Variants in POGLUT1 observed in about 807,000 individuals in gnomAD.
The protein encoded by POGLUT1 is protein O-glucosyltransferase 1, also known as 9630046K23Rik.
In POGLUT1, 32 loss-of-function variants were observed where a neutral mutation model predicts 61.3. That is an observed-to-expected ratio of 0.52 (90% CI 0.39 to 0.70). POGLUT1 has a LOEUF of 0.70. POGLUT1 is among the 30% of genes least tolerant of loss of function. POGLUT1 has a pLI of 0.00. For missense variants in POGLUT1, 411 were observed against 469.8 expected (o/e 0.87, Z 1.16); for synonymous variants, 158 against 158.2 (o/e 1.00, Z 0.01).
chr3:119,481,181 G>A (rs1398556517), intron 5 of POGLUT1, among the ~76,000 whole-genome samples: 16 of 152,214 alleles, frequency 1.1e-4, no homozygotes, highest in Admixed American at 9.8e-4. Flanking sequence ...TGAGAGCTAA[G>A]TAGTTTAGGC....
At position 119,486,829 on chromosome 3, in the gene POGLUT1, A is replaced by G. The variant is rs760804608; in HGVS notation, c.639-4A>G. 4.6e-5 allele frequency: 74 copies of G among 1,602,000 alleles called. No individual in the cohort carries two copies. Among genetic ancestry groups the G allele is most frequent in the Non-Finnish European group, 6.8e-6 (8 of 1,169,346 alleles). On this transcript the variant is annotated splice_region_variant and splice_polypyrimidine_tract_variant and intron_variant, in intron 6 of 10. Coordinates refer to ENST00000295588, the MANE Select transcript of POGLUT1 (RefSeq NM_152305.3). ...CAGTTTTATGTCACGTGTTTCTTTTATAGGACAAGTCCAGAACGAGATCCT... is the reference window on the plus strand; with the variant it reads ...CAGTTTTATGTCACGTGTTTCTTTTGTAGGACAAGTCCAGAACGAGATCCT...
rs1251933785 is a variant in POGLUT1, at chr3:119,492,969, T to C, written c.*531T>C. On this transcript the variant is annotated 3_prime_UTR_variant, in exon 11 of 11. Coordinates refer to ENST00000295588, the MANE Select transcript of POGLUT1 (RefSeq NM_152305.3). ...TTCTCTGAATGGTCTAAGGAAGCGG[T>C]AGCCATGCCATGCAATGATGTAGGA... 6.6e-6 allele frequency: 1 copy of C among 152,656 alleles called. No individual in the cohort carries two copies. The highest frequency in any genetic ancestry group is 1.5e-5 in the Non-Finnish European group (1 of 68,040). 9.5% of individuals were successfully genotyped at this position (152,656 alleles called of 1,614,324 possible). A position where few individuals can be genotyped will look rare whatever the true frequency, so the allele number is the denominator to read the frequency against.
chr3:119,477,560 A>C, intron 4 of POGLUT1, 112 bp downstream of exon 4: 2 of 1,022,734 alleles, frequency 2.0e-6, no homozygotes, highest in Non-Finnish European at 2.9e-6. Context: ...ATGAGGACTG[A>C]GGTCCAGAAA....
chr3:119,489,074 C>T (rs564275145), intron 8 of POGLUT1, 87 bp downstream of exon 8: 2 of 686,774 alleles, frequency 2.9e-6, no homozygotes, highest in Non-Finnish European at 5.1e-6. Flanking sequence ...AATATAAAGG[C>T]CCAGCTGGAG....
intron 3 of POGLUT1, among the ~76,000 whole-genome samples, chr3:119,474,210 T>A (rs1052334108): frequency 2.6e-5 from 4 of 152,218 alleles, no homozygotes; most frequent in African/African-American, 9.6e-5. Flanking sequence ...TGTGAGGATA[T>A]GTTAATTAGC....
At chr3:119,488,871 C>A in intron 7 of POGLUT1, 58 bp from the exon 8 acceptor site, 1 of 892,872 alleles carries the variant, frequency 1.1e-6, no homozygotes, top group Non-Finnish European at 1.9e-6. Context: ...GCTTGCTGCA[C>A]AGTGATCACA....
chr3:119,485,401 T>C lies in POGLUT1; in HGVS notation c.638+14T>C. ...CCGAGGATCAAGGTGAGTTATTTTC[T>C]GACATTTTACAAAGATATTCTTCCA... On this transcript the variant is annotated intron_variant, in intron 6 of 10. Coordinates refer to ENST00000295588, the MANE Select transcript of POGLUT1 (RefSeq NM_152305.3). The C allele has an allele frequency of 6.3e-7, 1 of 1,576,730 alleles. No individual in the cohort carries two copies. Among genetic ancestry groups the C allele is most frequent in the Non-Finnish European group, 8.7e-7 (1 of 1,147,706 alleles).
chr3:119,472,786 T>C (rs1366705160), intron 3 of POGLUT1, among the ~76,000 whole-genome samples: 2 of 152,208 alleles, frequency 1.3e-5, no homozygotes, highest in African/African-American at 4.8e-5. Context: ...ATCCCAGCAC[T>C]TCGGGAAGTC....
chr3:119,479,928 G>A, intron 4 of POGLUT1, 123 bp from the exon 5 acceptor site: 1 of 1,553,690 alleles, frequency 6.4e-7, no homozygotes, highest in Non-Finnish European at 8.7e-7. Context: ...GGAAAATAGG[G>A]AAAATATATC....
chr3:119,478,158 G>A (rs958140901), intron 4 of POGLUT1: 2 of 346,536 alleles, frequency 5.8e-6, no homozygotes, highest in Non-Finnish European at 1.1e-5. Context: ...AAAGCATTTG[G>A]GGGTGAAGGC....
chr3:119,492,622 T>TG lies in POGLUT1; in HGVS notation c.*185dup, dbSNP rs1257776925. The TG allele has an allele frequency of 3.0e-5, 11 of 365,214 alleles. No homozygotes were observed. The highest frequency in any genetic ancestry group is 3.0e-5 in the Non-Finnish European group (6 of 202,222). 22.6% of individuals were successfully genotyped at this position (365,214 alleles called of 1,614,324 possible). A position where few individuals can be genotyped will look rare whatever the true frequency, so the allele number is the denominator to read the frequency against. On this transcript the variant is annotated 3_prime_UTR_variant, in exon 11 of 11. Transcript: ENST00000295588. The stretch of plus-strand genomic sequence containing the variant: ...AAGATTTAAAATGTGTCTAATACAC[T>TG]GATATGAAGCAGTTCAACTTTTTGG...
In POGLUT1 at chr3:119,493,192, T is replaced by G. The variant is rs1416353062; in HGVS notation, c.*754T>G. 1.3e-5 allele frequency: 2 copies of G among 150,368 alleles called. No homozygotes were observed. Among genetic ancestry groups the G allele is most frequent in the Non-Finnish European group, 3.0e-5 (2 of 67,674 alleles). The allele number at this position is 150,368 out of a possible 1,614,324, so 9.3% of individuals were successfully genotyped here. A position where few individuals can be genotyped will look rare whatever the true frequency, so the allele number is the denominator to read the frequency against. On this transcript the variant is annotated 3_prime_UTR_variant, in exon 11 of 11. Transcript: ENST00000295588. The stretch of plus-strand genomic sequence containing the variant: ...AGCCTCTTAATAAATTTAATGGAAC[T>G]ATACATAGAACAGCAGCTCTTCCTC...
In POGLUT1 at chr3:119,493,355, A is replaced by G. The variant is rs994003092; in HGVS notation, c.*917A>G. ...TTCAGTTGGTAGTTAAGAGCATTCA[A>G]CTTCAAATATATAGAAGATATTTGT... On this transcript the variant is annotated 3_prime_UTR_variant, in exon 11 of 11. Coordinates refer to ENST00000295588, the MANE Select transcript of POGLUT1 (RefSeq NM_152305.3). 1 of 152,196 alleles carries G rather than the reference A, an allele frequency of 6.6e-6. No individual in the cohort carries two copies. Among genetic ancestry groups the G allele is most frequent in the Non-Finnish European group, 1.5e-5 (1 of 68,014 alleles). 9.4% of individuals were successfully genotyped at this position (152,196 alleles called of 1,614,324 possible).
intron 5 of POGLUT1, among the ~76,000 whole-genome samples, chr3:119,483,589 C>T (rs2081631280): frequency 6.6e-6 from 1 of 152,194 alleles, no homozygotes; most frequent in Admixed American, 6.5e-5. Flanking sequence ...TAGATGTTGG[C>T]TGTTATTATT....
At chr3:119,490,514 A>G in intron 8 of POGLUT1, 37 bp from the exon 9 acceptor site, 1 of 1,574,594 alleles carries the variant, frequency 6.4e-7, no homozygotes, top group South Asian at 1.1e-5. Context: ...GGCAGCAGGC[A>G]TATAGTATCA....
intron 7 of POGLUT1, among the ~76,000 whole-genome samples, chr3:119,487,786 C>T (rs1479214648): frequency 1.3e-5 from 2 of 151,944 alleles, no homozygotes; most frequent in African/African-American, 2.4e-5. Context: ...AGTTTGCCAA[C>T]CCCTGGTTTA....
Position 119,492,535 on chromosome 3 carries a change from T to C in POGLUT1, c.*97T>C, listed in dbSNP as rs2107720186. ...AAGCTTGGCACCTATACCTTGAATA[T>C]CTGCTATCAAGCCAAATACCTGGTT... On this transcript the variant is annotated 3_prime_UTR_variant, in exon 11 of 11. Transcript: ENST00000295588. The C allele has an allele frequency of 8.1e-6, 6 of 738,256 alleles. No homozygotes were observed. In the South Asian group the frequency reaches 1.4e-4, roughly 17 times the overall value. The allele number at this position is 738,256 out of a possible 1,614,324, so 45.7% of individuals were successfully genotyped here.
chr3:119,489,788 T>G (rs1027432614), intron 8 of POGLUT1: 1 of 152,578 alleles, frequency 6.6e-6, no homozygotes, highest in Non-Finnish European at 1.5e-5. Context: ...CATTACCGCC[T>G]GAGCTCTGCC....
At chr3:119,474,011 A>T (rs1282831617) in intron 3 of POGLUT1, among the ~76,000 whole-genome samples, 2 of 151,920 alleles carry the variant, frequency 1.3e-5, no homozygotes, top group Admixed American at 1.3e-4. Context: ...TTTGAATAAA[A>T]TAAAATATAA....
Sources: gnomAD v4.1 joint callset for allele counts (sites outside exome capture counted in the v4.1 genomes callset) on GRCh38, gnomAD v4.1.1 for gene constraint, MANE v1.5 for transcripts, NCBI Gene and HGNC (gene_info 2026-07-23, HGNC 2026-07-21) for gene names.